The following USP9X variants were observed in gnomAD, a reference collection of about 807,000 sequenced individuals.
USP9X encodes the protein ubiquitin carboxyl-terminal hydrolase 9X.
In USP9X, 7 loss-of-function variants were observed where a neutral mutation model predicts 190.3. The observed-to-expected ratio is 0.04, with a 90% confidence interval of 0.02 to 0.07. USP9X has a LOEUF of 0.07. Among genes scored for constraint, USP9X ranks in the 10% least tolerant of loss-of-function variants. The pLI is 1.00. For missense variants in USP9X, 1,010 were observed against 1,916.9 expected (o/e 0.53, Z 8.83); for synonymous variants, 645 against 659.5 (o/e 0.98, Z 0.34).
At position 41,144,607 on chromosome X, in the gene USP9X, A is replaced by G. The variant is rs760201061; in HGVS notation, c.1400A>G (p.His467Arg). Residue 467 changes from histidine to arginine, a missense_variant, in exon 11 of 45, where the codon CAT becomes CGT. By Grantham distance (29) the His-to-Arg change is conservative (BLOSUM62 0). Coordinates refer to ENST00000378308, the MANE Select transcript of USP9X (RefSeq NM_001039591.3). ...AWDFSPEQLD[H>R]LFDCFKASWT... ...GATTTTTCTCCTGAACAACTTGATC[A>G]TCTTTTTGATTGTTTTAAGGTAATT... The G allele has an allele frequency of 2.3e-5, 28 of 1,203,144 alleles. 2 individuals carry two copies. In the South Asian group the frequency reaches 4.8e-4, roughly 21 times the overall value.
chrX:41,137,671 T>G (rs1051796599), intron 6 of USP9X, among the ~76,000 whole-genome samples: 7 of 111,025 alleles, frequency 6.3e-5, no homozygotes, highest in African/African-American at 2.3e-4. Context: ...TTTTAAGTCA[T>G]ACATTATGGA....
intron 26 of USP9X, chrX:41,195,817 T>TGGTGTAA (rs1340887909): frequency 6.9e-6 from 2 of 289,944 alleles, no homozygotes; most frequent in Middle Eastern, 4.9e-4. Flanking sequence ...TGGGGACCCC[T>TGGTGTAA]GGTGTAAGAG....
intron 31 of USP9X, chrX:41,204,975 A>G: frequency 7.1e-6 from 1 of 140,344 alleles, no homozygotes; most frequent in Non-Finnish European, 1.4e-5. Context: ...CTTGAAGCCT[A>G]GAAAGTTTAA....
intron 12 of USP9X, among the ~76,000 whole-genome samples, chrX:41,149,740 G>A: frequency 9.2e-6 from 1 of 108,283 alleles, no homozygotes; most frequent in Non-Finnish European, 1.9e-5. Context: ...GTCTTGTTCT[G>A]TCGCCCAGGC....
intron 3 of USP9X, among the ~76,000 whole-genome samples, chrX:41,129,790 C>T (rs1026413743): frequency 1.2e-4 from 13 of 111,203 alleles, no homozygotes; most frequent in African/African-American, 3.9e-4. Flanking sequence ...TAGGAAGGTG[C>T]GACACATTTC....
In USP9X at chrX:41,119,046, CCTT is replaced by C. The variant is rs781156961; in HGVS notation, c.-158-4419_-158-4417del. On this transcript the variant is annotated intron_variant, in intron 1 of 44. Transcript: ENST00000378308. ...AGTAAGTAGAACATTGATCTGTGGA[CCTT>C]CTTCTCATGCGTCCCCTAATGCACA... is the stretch of plus-strand genomic sequence containing the variant. 6.1e-4 allele frequency among the ~76,000 whole-genome samples: 68 copies of C among 111,804 alleles called. No individual in the cohort carries two copies. In the Middle Eastern group the frequency reaches 0.018, roughly 30 times the overall value.
intron 31 of USP9X, 82 bp from the exon 32 acceptor site, chrX:41,205,221 C>A: frequency 8.0e-6 from 6 of 751,553 alleles, no homozygotes; most frequent in Non-Finnish European, 9.3e-6. Context: ...GAATACAAAT[C>A]ATTTGTTCAA....
intron 33 of USP9X, among the ~76,000 whole-genome samples, chrX:41,212,342 T>C: frequency 9.4e-6 from 1 of 106,942 alleles, no homozygotes. Context: ...CGCAGGGTCC[T>C]CTGCCTAGGA....
intron 1 of USP9X, among the ~76,000 whole-genome samples, chrX:41,103,919 A>G (rs2062051658): frequency 9.0e-6 from 1 of 111,526 alleles, no homozygotes; most frequent in Non-Finnish European, 1.9e-5. Flanking sequence ...TCATTCTTTC[A>G]CTCAACAGAT....
At position 41,209,009 on chromosome X, in the gene USP9X, T is replaced by C. The variant is rs773278178; in HGVS notation, c.5016-1500T>C. The stretch of plus-strand genomic sequence containing the variant: ...AGGCGTGAGCCACCGCGCCCGGCCT[T>C]TTTTCTTAAGTTGATAGTGAAGTTG... On this transcript the variant is annotated intron_variant, in intron 32 of 44. Coordinates refer to ENST00000378308, the MANE Select transcript of USP9X (RefSeq NM_001039591.3). 2.8e-3 allele frequency among the ~76,000 whole-genome samples: 314 copies of C among 111,619 alleles called. 2 individuals are homozygous for C. The highest frequency in any genetic ancestry group is 4.6e-3 in the Non-Finnish European group (245 of 53,114).
chrX:41,167,822 A>G (rs1453967609), intron 17 of USP9X, among the ~76,000 whole-genome samples, 185 bp from the exon 18 acceptor site: 1 of 112,430 alleles, frequency 8.9e-6, no homozygotes, highest in East Asian at 2.8e-4. Flanking sequence ...TTGTTAACTT[A>G]TGTAATGCTA....
Position 41,232,601 on chromosome X carries a change from A to T in USP9X, c.*77A>T, listed in dbSNP as rs1173052212. Reference sequence around the variant, plus strand: ...TCCAACCTTTTTCTGTGTCTGGCTAATATTTAAAACTAGAAAAACTATTCC... The same window carrying T: ...TCCAACCTTTTTCTGTGTCTGGCTATTATTTAAAACTAGAAAAACTATTCC... On this transcript the variant is annotated 3_prime_UTR_variant, in exon 45 of 45. Coordinates refer to ENST00000378308, the MANE Select transcript of USP9X (RefSeq NM_001039591.3). 3 of 1,098,855 alleles carry T rather than the reference A, an allele frequency of 2.7e-6. No individual in the cohort carries two copies. Among genetic ancestry groups the T allele is most frequent in the South Asian group, 2.4e-5 (1 of 42,113 alleles). 90.6% of individuals were successfully genotyped at this position (1,098,855 alleles called of 1,213,427 possible).
intron 1 of USP9X, among the ~76,000 whole-genome samples, chrX:41,113,989 TTAAC>T (rs2062128306): frequency 8.9e-6 from 1 of 112,801 alleles, no homozygotes; most frequent in South Asian, 3.6e-4. Flanking sequence ...CTGCATAAAA[TTAAC>T]TAGTACATTC....
chrX:41,216,643 C>G lies in USP9X; in HGVS notation c.6076C>G (p.Pro2026Ala), dbSNP rs1223219460. 2.5e-6 allele frequency: 3 copies of G among 1,202,591 alleles called. No individual in the cohort carries two copies. Among genetic ancestry groups the G allele is most frequent in the Admixed American group, 2.2e-5 (1 of 45,305 alleles). The change falls in exon 35 of 45, where the codon CCT becomes GCT. Residue 2026 changes from proline to alanine, a missense_variant. Physicochemically the swap from Pro to Ala is conservative, Grantham distance 27 (BLOSUM62 -1). Transcript: ENST00000378308. ...TACATGTAATGGCGTTTACTTAAAC[C>G]CTCCTCCCGGTGAGTATCAAGAGAG... ...LLTCNGVYLN[P>A]PPGQDHLLPE...
chrX:41,086,392 G>C (rs2061911658), intron 1 of USP9X, among the ~76,000 whole-genome samples: 1 of 111,852 alleles, frequency 8.9e-6, no homozygotes, highest in African/African-American at 3.2e-5. Flanking sequence ...CCCCCTTCCC[G>C]TCCTGTCTGG....
chrX:41,126,710 A>G (rs1176119953), intron 2 of USP9X, among the ~76,000 whole-genome samples: 1 of 110,027 alleles, frequency 9.1e-6, no homozygotes, highest in African/African-American at 3.3e-5. Flanking sequence ...ATTATCCCTC[A>G]CTCTTACATT....
chrX:41,175,327 C>T (rs1209801161), intron 21 of USP9X, among the ~76,000 whole-genome samples: 1 of 111,009 alleles, frequency 9.0e-6, no homozygotes, highest in Non-Finnish European at 1.9e-5. Flanking sequence ...CATGACCAGC[C>T]TGGGCAACAT....
At chrX:41,179,749 C>T (rs2062809894) in intron 21 of USP9X, among the ~76,000 whole-genome samples, 1 of 111,500 alleles carries the variant, frequency 9.0e-6, no homozygotes, top group Admixed American at 9.5e-5. Context: ...TGTCTTTAGG[C>T]CTTCGAATCA....
At position 41,229,274 on chromosome X, in the gene USP9X, A is replaced by T. The variant is rs2063341235; in HGVS notation, c.7083A>T (p.Gly2361=). Residue 2361 remains glycine, a synonymous_variant, in exon 42 of 45, where the codon GGA becomes GGT. Coordinates refer to ENST00000378308, the MANE Select transcript of USP9X (RefSeq NM_001039591.3). Reference sequence around the variant, plus strand: ...TCAGAATTCATAATGCACTGAAAGGAATTCCAGATGACCGAGATGGGCTGT... The same window carrying T: ...TCAGAATTCATAATGCACTGAAAGGTATTCCAGATGACCGAGATGGGCTGT... The part of the protein sequence containing the change: ...QTHRIHNALK[G]IPDDRDGLFD... The T allele has an allele frequency of 4.2e-6, 5 of 1,188,389 alleles. No individual in the cohort carries two copies. In the African/African-American group the frequency reaches 7.1e-5, roughly 17 times the overall value.
Sources: allele counts gnomAD v4.1 joint callset (sites outside exome capture counted in the v4.1 genomes callset), GRCh38; gene constraint gnomAD v4.1.1; transcripts MANE v1.5; gene names NCBI Gene and HGNC (gene_info 2026-07-23, HGNC 2026-07-21).